The following COX18 variants were observed in gnomAD, a reference collection of about 807,000 sequenced individuals.
COX18 encodes the protein cytochrome c oxidase assembly protein COX18, mitochondrial.
Under a neutral mutation model 38.0 loss-of-function variants are expected in COX18, and 45 were observed. The ratio of observed to expected loss-of-function variants is 1.18; its 90% CI spans 0.93 to 1.52. The LOEUF (loss-of-function observed/expected upper bound fraction) is 1.52, where lower values mean the gene tolerates loss of function less well. Among genes scored for constraint, COX18 ranks in the 40% most tolerant of loss-of-function variants. The pLI is 0.00. For missense variants in COX18, 462 were observed against 423.8 expected, an observed-to-expected ratio of 1.09 and a Z score of -0.79; for synonymous variants, 177 against 169.8, an observed-to-expected ratio of 1.04 and a Z score of -0.33.
rs1229227210 is a variant in COX18 at position 73,053,279 on chromosome 4, A to G, written c.*4835T>C. The G allele has an allele frequency of 6.6e-6, 1 of 152,216 alleles. No homozygotes were observed. The highest frequency in any genetic ancestry group is 2.4e-5 in the African/African-American group (1 of 41,444). 9.4% of individuals were successfully genotyped at this position (152,216 alleles called of 1,614,324 possible). On this transcript the variant is annotated 3_prime_UTR_variant, in exon 6 of 6. Transcript: ENST00000507544. ...CTGCTCATGCACCTAGAAGGTCACAATAAACGAACAGAATGTAGAGGAGGA... is the reference window on the plus strand; with the variant it reads ...CTGCTCATGCACCTAGAAGGTCACAGTAAACGAACAGAATGTAGAGGAGGA...
chr4:73,053,259 C>T lies in COX18; in HGVS notation c.*4855G>A, dbSNP rs190625861. Reference sequence around the variant, plus strand: ...TTGGTATGTAACAAACCGCACTGCTCATGCACCTAGAAGGTCACAATAAAC... The same window carrying T: ...TTGGTATGTAACAAACCGCACTGCTTATGCACCTAGAAGGTCACAATAAAC... On this transcript the variant is annotated 3_prime_UTR_variant, in exon 6 of 6. Coordinates refer to ENST00000507544, the MANE Select transcript of COX18 (RefSeq NM_001297732.2). 6.6e-6 allele frequency: 1 copy of T among 152,020 alleles called. No homozygotes were observed. Among genetic ancestry groups the T allele is most frequent in the African/African-American group, 2.4e-5 (1 of 41,374 alleles). 9.4% of individuals were successfully genotyped at this position (152,020 alleles called of 1,614,324 possible). A position where few individuals can be genotyped will look rare whatever the true frequency, so the allele number is the denominator to read the frequency against.
At position 73,054,732 on chromosome 4, in the gene COX18, A is replaced by G. The variant is rs1719827103; in HGVS notation, c.*3382T>C. 1 of 152,236 alleles carries G rather than the reference A, an allele frequency of 6.6e-6. No individual in the cohort carries two copies. The highest frequency in any genetic ancestry group is 2.1e-4 in the South Asian group (1 of 4,836). 9.4% of individuals were successfully genotyped at this position (152,236 alleles called of 1,614,324 possible). A position where few individuals can be genotyped will look rare whatever the true frequency, so the allele number is the denominator to read the frequency against. ...CATGAAAGAAGATTCATTTATTTGAAAAGGAAGTATCTGGAGATAGGAAAA... is the reference window on the plus strand; with the variant it reads ...CATGAAAGAAGATTCATTTATTTGAGAAGGAAGTATCTGGAGATAGGAAAA... On this transcript the variant is annotated 3_prime_UTR_variant, in exon 6 of 6. Transcript: ENST00000507544.
Position 73,069,674 on chromosome 4 carries a change from T to C in COX18, c.-25A>G, listed in dbSNP as rs939193131. The stretch of plus-strand genomic sequence containing the variant: ...TTTCTGCACCACGGCGGAGCCCAGA[T>C]CCCGGGCCTCACAATCCAGCGGACA... On this transcript the variant is annotated 5_prime_UTR_variant, in exon 1 of 6. Transcript: ENST00000507544. 6 of 1,536,556 alleles carry C rather than the reference T, an allele frequency of 3.9e-6. No individual in the cohort carries two copies. The highest frequency in any genetic ancestry group is 5.2e-6 in the Non-Finnish European group (6 of 1,146,458).
In COX18 at chr4:73,054,446, C is replaced by T. The variant is rs1352819528; in HGVS notation, c.*3668G>A. ...GTAAGTTCAGGTAACTGATTCACTT[C>T]AGTTCATAATACACCAGTTTTCTTT... On this transcript the variant is annotated 3_prime_UTR_variant, in exon 6 of 6. Coordinates refer to ENST00000507544, the MANE Select transcript of COX18 (RefSeq NM_001297732.2). 1 of 152,202 alleles carries T rather than the reference C, an allele frequency of 6.6e-6. No homozygotes were observed. Among genetic ancestry groups the T allele is most frequent in the Non-Finnish European group, 1.5e-5 (1 of 68,044 alleles). The allele number at this position is 152,202 out of a possible 1,614,324, so 9.4% of individuals were successfully genotyped here.
intron 5 of COX18, among the ~76,000 whole-genome samples, chr4:73,060,864 A>T (rs1361300661): frequency 7.6e-6 from 1 of 132,092 alleles, no homozygotes; most frequent in Admixed American, 8.3e-5. Flanking sequence ...TGGGCGACAG[A>T]GCAAGACTCC....
In COX18 at chr4:73,057,984, T is replaced by G; in HGVS notation, c.*130A>C. The G allele has an allele frequency of 1.4e-6, 1 of 692,534 alleles. No homozygotes were observed. Among genetic ancestry groups the G allele is most frequent in the Non-Finnish European group, 2.4e-6 (1 of 420,996 alleles). 42.9% of individuals were successfully genotyped at this position (692,534 alleles called of 1,614,324 possible). A position where few individuals can be genotyped will look rare whatever the true frequency, so the allele number is the denominator to read the frequency against. On this transcript the variant is annotated 3_prime_UTR_variant, in exon 6 of 6. Coordinates refer to ENST00000507544, the MANE Select transcript of COX18 (RefSeq NM_001297732.2). ...ACTGTGCCTGGTCTGGATTACATCT[T>G]AACCTACAATATTTCATGAAGTTAA...
At position 73,054,271 on chromosome 4, in the gene COX18, G is replaced by A. The variant is rs1719815470; in HGVS notation, c.*3843C>T. The A allele has an allele frequency of 6.6e-6, 1 of 152,208 alleles. No individual in the cohort carries two copies. The highest frequency in any genetic ancestry group is 6.5e-5 in the Admixed American group (1 of 15,284). The allele number at this position is 152,208 out of a possible 1,614,324, so 9.4% of individuals were successfully genotyped here. ...TGTTCTGTAGCCCTGACTTCATTCAGGTTCTGGAACTGCTCCAGGCTATGA... is the reference window on the plus strand; with the variant it reads ...TGTTCTGTAGCCCTGACTTCATTCAAGTTCTGGAACTGCTCCAGGCTATGA... On this transcript the variant is annotated 3_prime_UTR_variant, in exon 6 of 6. Coordinates refer to ENST00000507544, the MANE Select transcript of COX18 (RefSeq NM_001297732.2).
rs202010318 is a variant in COX18, at chr4:73,058,302, C to T, written c.832-15G>A. The T allele has an allele frequency of 8.3e-6, 13 of 1,569,864 alleles. No homozygotes were observed. In the Admixed American group the frequency reaches 2.4e-4, roughly 29 times the overall value. On this transcript the variant is annotated splice_polypyrimidine_tract_variant and intron_variant, in intron 5 of 5. Transcript: ENST00000507544. ...AGAACAATTGACTATAAAGAGAAGACATAAATGTTAGCATCTGTAATTCTA... is the reference window on the plus strand; with the variant it reads ...AGAACAATTGACTATAAAGAGAAGATATAAATGTTAGCATCTGTAATTCTA...
In COX18 at chr4:73,053,837, TTTCTC is replaced by T. The variant is rs771354365; in HGVS notation, c.*4272_*4276del. On this transcript the variant is annotated 3_prime_UTR_variant, in exon 6 of 6. Transcript: ENST00000507544. ...CTGACTAGGATGGGATTTGTTCAGT[TTTCTC>T]TTCTAACGGTCCCAGGGAAAAGTAA... is the stretch of plus-strand genomic sequence containing the variant. 7.9e-5 allele frequency: 12 copies of T among 152,218 alleles called. No individual in the cohort carries two copies. 9.4% of individuals were successfully genotyped at this position (152,218 alleles called of 1,614,324 possible). A position where few individuals can be genotyped will look rare whatever the true frequency, so the allele number is the denominator to read the frequency against.
intron 2 of COX18, 129 bp downstream of exon 2, chr4:73,067,895 ATACTT>A (rs1370854965): frequency 1.7e-5 from 3 of 174,644 alleles, no homozygotes; most frequent in African/African-American, 5.2e-5. Context: ...AAAAAAAGAA[ATACTT>A]TACTGCCAAA....
At chr4:73,061,941 C>T in intron 4 of COX18, 21 bp from the exon 5 acceptor site, 2 of 1,232,214 alleles carry the variant, frequency 1.6e-6, no homozygotes, top group Non-Finnish European at 2.4e-6. Flanking sequence ...AGAACATATA[C>T]ATGCATAATG....
rs1350095706 is a variant in COX18 at position 73,069,614 on chromosome 4, C to G, written c.36G>C (p.Pro12=). ...TAGCCCAAAGCTGCAGGGCAGGGAGCGGCCGCAGCCACCGACCGCCGAGCC... is the reference window on the plus strand; with the variant it reads ...TAGCCCAAAGCTGCAGGGCAGGGAGGGGCCGCAGCCACCGACCGCCGAGCC... ...LCRLGGRWLR[P]LPALQLWARD... is the part of the protein sequence containing the mutation. Residue 12 remains proline, a synonymous_variant, in exon 1 of 6, where the codon CCG becomes CCC. Transcript: ENST00000507544. The G allele has an allele frequency of 5.2e-6, 8 of 1,551,920 alleles. No individual in the cohort carries two copies. The highest frequency in any genetic ancestry group is 6.9e-6 in the Non-Finnish European group (8 of 1,152,546).
At position 73,064,623 on chromosome 4, in the gene COX18, C is replaced by T. The variant is rs539253095; in HGVS notation, c.723+155G>A. On this transcript the variant is annotated intron_variant, in intron 4 of 5. Transcript: ENST00000507544. ...GGCCCAGAGAGGTTAAGGGACAGGC[C>T]TAAGCCAATGCCTGACGTGGAACCA... Among the ~76,000 whole-genome samples the T allele has an allele frequency of 2.0e-4, 30 of 152,324 alleles. 1 individual carries two copies. The highest frequency in any genetic ancestry group is 3.1e-4 in the Non-Finnish European group (21 of 68,032).
At position 73,052,759 on chromosome 4, in the gene COX18, A is replaced by C. The variant is rs1265209638; in HGVS notation, c.*5355T>G. On this transcript the variant is annotated 3_prime_UTR_variant, in exon 6 of 6. Coordinates refer to ENST00000507544, the MANE Select transcript of COX18 (RefSeq NM_001297732.2). ...ATTTAGCTTTAATACAGAAATCTAA[A>C]TTCTTGCATGGTTTCAGATGTTATG... 1 of 152,212 alleles carries C rather than the reference A, an allele frequency of 6.6e-6. No individual in the cohort carries two copies. Among genetic ancestry groups the C allele is most frequent in the Non-Finnish European group, 1.5e-5 (1 of 68,034 alleles). The allele number at this position is 152,212 out of a possible 1,614,324, so 9.4% of individuals were successfully genotyped here. A position where few individuals can be genotyped will look rare whatever the true frequency, so the allele number is the denominator to read the frequency against.
intron 4 of COX18, among the ~76,000 whole-genome samples, chr4:73,063,517 G>A (rs1720284043): frequency 6.6e-6 from 1 of 152,174 alleles, no homozygotes; most frequent in Non-Finnish European, 1.5e-5. Context: ...CAGCTTCCAA[G>A]TAGCTGGAAC....
At chr4:73,063,030 C>A (rs780523563) in intron 4 of COX18, among the ~76,000 whole-genome samples, 1 of 152,084 alleles carries the variant, frequency 6.6e-6, no homozygotes, top group Non-Finnish European at 1.5e-5. Flanking sequence ...TATGGCCAGG[C>A]ACAGTGGCTC....
chr4:73,052,860 A>AT lies in COX18; in HGVS notation c.*5253dup, dbSNP rs1719777920. Reference sequence around the variant, plus strand: ...AGGAAAAAATAAACTACATTCTTTAATTTTTTTTCTAGGGTCTGCATTCCT... The same window carrying AT: ...AGGAAAAAATAAACTACATTCTTTAATTTTTTTTTCTAGGGTCTGCATTCCT... On this transcript the variant is annotated 3_prime_UTR_variant, in exon 6 of 6. Transcript: ENST00000507544. The AT allele has an allele frequency of 6.6e-6, 1 of 151,404 alleles. No homozygotes were observed. The highest frequency in any genetic ancestry group is 2.4e-5 in the African/African-American group (1 of 41,136). The allele number at this position is 151,404 out of a possible 1,614,324, so 9.4% of individuals were successfully genotyped here.
In COX18 at chr4:73,056,486, CTTAAA is replaced by C. The variant is rs1171570582; in HGVS notation, c.*1623_*1627del. ...GTGTTACACTCTGTATTCCAGACTT[CTTAAA>C]TTATAGAAAAAGGAATGTACACTTT... On this transcript the variant is annotated 3_prime_UTR_variant, in exon 6 of 6. Coordinates refer to ENST00000507544, the MANE Select transcript of COX18 (RefSeq NM_001297732.2). 16 of 152,326 alleles carry C rather than the reference CTTAAA, an allele frequency of 1.1e-4. No individual in the cohort carries two copies. The highest frequency in any genetic ancestry group is 5.8e-4 in the East Asian group (3 of 5,188). The allele number at this position is 152,326 out of a possible 1,614,324, so 9.4% of individuals were successfully genotyped here.
At chr4:73,066,081 A>G (rs574032179) in intron 2 of COX18, among the ~76,000 whole-genome samples, 14 of 152,346 alleles carry the variant, frequency 9.2e-5, no homozygotes, top group Non-Finnish European at 1.6e-4. Context: ...CCTGTATCAT[A>G]TATTTTGTAC....
Sources: gnomAD v4.1 joint callset for allele counts (sites outside exome capture counted in the v4.1 genomes callset) on GRCh38, gnomAD v4.1.1 for gene constraint, MANE v1.5 for transcripts, NCBI Gene and HGNC (gene_info 2026-07-23, HGNC 2026-07-21) for gene names.